SAMSN1: variants seen among roughly 807,000 people sequenced by gnomAD.
SAMSN1 encodes the protein SAM domain, SH3 domain and nuclear localization signals 1.
SAMSN1 carries 31 observed loss-of-function variants against 42.0 expected under a neutral mutation model. The ratio of observed to expected loss-of-function variants is 0.74; its 90% CI spans 0.55 to 1.00. The LOEUF (loss-of-function observed/expected upper bound fraction) is 1.00. SAMSN1 is among the 50% of genes least tolerant of loss of function. SAMSN1 has a pLI of 0.00. For synonymous variants in SAMSN1, 178 were observed against 151.9 expected, an observed-to-expected ratio of 1.17 and a Z score of -1.26; for missense variants, 464 against 439.4, an observed-to-expected ratio of 1.06 and a Z score of -0.50.
intron 1 of SAMSN1, among the ~76,000 whole-genome samples, chr21:14,646,789 G>C (rs1034016074): frequency 1.3e-5 from 2 of 152,160 alleles, no homozygotes; most frequent in African/African-American, 4.8e-5. Flanking sequence ...TTAATGTATA[G>C]AGTTTTAATT....
chr21:14,641,172 G>A lies in SAMSN1; in HGVS notation c.156+1830C>T, dbSNP rs550984871. Among the ~76,000 whole-genome samples, 160 of 152,068 alleles carry A rather than the reference G, an allele frequency of 1.1e-3. 1 individual carries two copies. The highest frequency in any genetic ancestry group is 2.0e-3 in the Non-Finnish European group (135 of 67,952). On this transcript the variant is annotated intron_variant, in intron 2 of 15. Coordinates refer to the SAMSN1 transcript ENST00000647101. ...ACACTAATATGTGCAAAATATTATT[G>A]CCCCCTCTTATGCATATCTAGCAAC...
intron 2 of SAMSN1, among the ~76,000 whole-genome samples, chr21:14,621,036 T>C (rs774623099): frequency 1.3e-5 from 2 of 152,220 alleles, no homozygotes; most frequent in Non-Finnish European, 2.9e-5. Context: ...TGAATAAGTA[T>C]GTTTCTGGAT....
At chr21:14,601,977 C>A in intron 6 of SAMSN1, 2 of 644,790 alleles carry the variant, frequency 3.1e-6, no homozygotes, top group South Asian at 1.8e-5. Flanking sequence ...AGCTGAGTAA[C>A]AAGACGATTT....
At chr21:14,490,171 C>T (rs1047047973) in intron 7 of SAMSN1, among the ~76,000 whole-genome samples, 1 of 152,136 alleles carries the variant, frequency 6.6e-6, no homozygotes, top group African/African-American at 2.4e-5. Flanking sequence ...TAAAATAATA[C>T]AACCTTAAAG....
chr21:14,615,288 G>A (rs970566462), intron 3 of SAMSN1, among the ~76,000 whole-genome samples: 1 of 150,100 alleles, frequency 6.7e-6, no homozygotes, highest in Non-Finnish European at 1.5e-5. Flanking sequence ...ATTTTTAACT[G>A]GGAGAAAGCT....
chr21:14,594,399 A>T (rs1982194560), intron 6 of SAMSN1, among the ~76,000 whole-genome samples: 1 of 152,136 alleles, frequency 6.6e-6, no homozygotes, highest in South Asian at 2.1e-4. Context: ...GAGCAATTCC[A>T]ATCCATGATC....
chr21:14,583,527 A>AT (rs1981822647), upstream of SAMSN1: 1 of 594,404 alleles, frequency 1.7e-6, no homozygotes, highest in African/African-American at 1.9e-5. Flanking sequence ...TAACTTGGCA[A>AT]TAAAAAAAAA....
intron 2 of SAMSN1, among the ~76,000 whole-genome samples, chr21:14,634,384 C>A (rs1392075155): frequency 1.3e-5 from 2 of 151,948 alleles, no homozygotes; most frequent in Non-Finnish European, 2.9e-5. Context: ...AGGCAATCTA[C>A]AGAATGGGAG....
intron 2 of SAMSN1, among the ~76,000 whole-genome samples, chr21:14,624,048 G>T (rs567103121): frequency 1.3e-5 from 2 of 152,084 alleles, no homozygotes; most frequent in African/African-American, 4.8e-5. Flanking sequence ...ACGAAATGAA[G>T]GCAAAAAGAA....
Position 14,498,436 on chromosome 21 carries a change from A to G in SAMSN1, c.919+6T>C. ...GCTGGGGAGAAGAGTAGGTGTACAC[A>G]CTTACTTTCTTCTTCAAGGAAGTTT... On this transcript the variant is annotated splice_donor_region_variant and intron_variant, in intron 7 of 7. Transcript: ENST00000400566. The G allele has an allele frequency of 6.2e-7, 1 of 1,608,576 alleles. No homozygotes were observed. The highest frequency in any genetic ancestry group is 8.5e-7 in the Non-Finnish European group (1 of 1,178,118).
chr21:14,598,168 C>T (rs1982325499), intron 6 of SAMSN1: 1 of 152,102 alleles, frequency 6.6e-6, no homozygotes, highest in Non-Finnish European at 1.5e-5. Flanking sequence ...GGGTGCTTGA[C>T]AGTGCTTAAT....
chr21:14,546,440 C>T (rs891446391), upstream of SAMSN1: 1 of 1,036,112 alleles, frequency 9.7e-7, no homozygotes, highest in Non-Finnish European at 1.3e-6. Context: ...TTTTTTCTTA[C>T]AGTAATTCTT....
Position 14,636,504 on chromosome 21 carries a change from T to A in SAMSN1, c.156+6498A>T, listed in dbSNP as rs113508737. Among the ~76,000 whole-genome samples, 1,428 of 152,280 alleles carry A rather than the reference T, an allele frequency of 9.4e-3. 26 individuals are homozygous for A. The highest frequency in any genetic ancestry group is 0.033 in the African/African-American group (1,366 of 41,538). On this transcript the variant is annotated intron_variant, in intron 2 of 15. Coordinates refer to the SAMSN1 transcript ENST00000647101. ...CACTGCAGTCAAGTCACTAATCTCA[T>A]CTTCCTCATTGGTAAATGGATGTGT...
chr21:14,598,430 T>C (rs148718582), intron 6 of SAMSN1: 1 of 152,304 alleles, frequency 6.6e-6, no homozygotes, highest in East Asian at 1.9e-4. Context: ...AAATAAATGC[T>C]GGGAGTCAAG....
chr21:14,645,908 T>C (rs1383618514), intron 1 of SAMSN1, among the ~76,000 whole-genome samples: 1 of 152,066 alleles, frequency 6.6e-6, no homozygotes, highest in East Asian at 1.9e-4. Context: ...GCAGAATGTA[T>C]AAGCAGAAGA....
chr21:14,572,136 T>C (rs901125651), intron 2 of SAMSN1, among the ~76,000 whole-genome samples: 26 of 152,256 alleles, frequency 1.7e-4, no homozygotes, highest in Admixed American at 3.9e-4. Flanking sequence ...TGACAAATAA[T>C]TAGAAACATA....
At chr21:14,574,710 T>G (rs1226726895) in intron 2 of SAMSN1, among the ~76,000 whole-genome samples, 1 of 152,156 alleles carries the variant, frequency 6.6e-6, no homozygotes, top group Admixed American at 6.6e-5. Context: ...AAATTACATT[T>G]TCTCATTTTA....
At chr21:14,563,940 A>G (rs1445623071) in intron 2 of SAMSN1, among the ~76,000 whole-genome samples, 7 of 152,146 alleles carry the variant, frequency 4.6e-5, no homozygotes, top group African/African-American at 1.7e-4. Context: ...GCAAAAGTGA[A>G]CCAAAAATAG....
intron 7 of SAMSN1, among the ~76,000 whole-genome samples, chr21:14,491,769 A>G (rs1231744722): frequency 6.6e-6 from 1 of 152,098 alleles, no homozygotes; most frequent in Non-Finnish European, 1.5e-5. Flanking sequence ...GGTCTGTCCT[A>G]TGTCAATTTA....
Sources: gnomAD v4.1 joint callset for allele counts (sites outside exome capture counted in the v4.1 genomes callset) on GRCh38, gnomAD v4.1.1 for gene constraint, MANE v1.5 for transcripts, NCBI Gene and HGNC (gene_info 2026-07-23, HGNC 2026-07-21) for gene names.